NCKAP5: variants seen among roughly 807,000 people sequenced by gnomAD.
The protein encoded by NCKAP5 is NCK associated protein 5.
NCKAP5 carries 92 observed loss-of-function variants against 167.0 expected under a neutral mutation model. The observed-to-expected ratio is 0.55, with a 90% CI of 0.47 to 0.66. The LOEUF (loss-of-function observed/expected upper bound fraction) is 0.66. NCKAP5 is among the 30% of genes least tolerant of loss of function. The probability of loss-of-function intolerance (pLI) is 0.00; values close to 1 mark genes in which losing one functional copy is unlikely to be tolerated. For synonymous variants in NCKAP5, 891 were observed against 877.4 expected (o/e 1.02, Z -0.27); for missense variants, 2,378 against 2,315.0 (o/e 1.03, Z -0.56).
intron 3 of NCKAP5, among the ~76,000 whole-genome samples, chr2:133,431,298 A>G (rs1690143916): frequency 6.6e-6 from 1 of 152,160 alleles, no homozygotes; most frequent in Admixed American, 6.6e-5. Context: ...TGTTTTATAT[A>G]TTTAAACTGG....
At chr2:133,061,740 G>A (rs1175465883) in intron 6 of NCKAP5, among the ~76,000 whole-genome samples, 2 of 152,136 alleles carry the variant, frequency 1.3e-5, no homozygotes, top group African/African-American at 4.8e-5. Context: ...TACAATTTCA[G>A]AAGAGAGAGA....
At chr2:132,837,875 C>T (rs186093735) in intron 11 of NCKAP5, among the ~76,000 whole-genome samples, 55 of 152,284 alleles carry the variant, frequency 3.6e-4, no homozygotes, top group Non-Finnish European at 7.5e-4. Flanking sequence ...CCTGCTGAGA[C>T]GAGTGATCCA....
intron 5 of NCKAP5, among the ~76,000 whole-genome samples, chr2:133,183,435 G>A (rs1467691914): frequency 1.3e-5 from 2 of 151,836 alleles, no homozygotes; most frequent in Non-Finnish European, 2.9e-5. Context: ...AGGGACATGA[G>A]AATGGAAAAA....
At chr2:132,971,430 TC>T (rs1559005023) in intron 7 of NCKAP5, among the ~76,000 whole-genome samples, 2 of 152,158 alleles carry the variant, frequency 1.3e-5, no homozygotes, top group Non-Finnish European at 2.9e-5. Flanking sequence ...AGGAGTTTTG[TC>T]TTTACCCTCA....
chr2:133,306,769 G>A (rs529552877), intron 3 of NCKAP5, among the ~76,000 whole-genome samples: 14 of 152,168 alleles, frequency 9.2e-5, no homozygotes, highest in Non-Finnish European at 1.8e-4. Flanking sequence ...AGGTTTTGGT[G>A]TATTGGCACT....
At chr2:133,167,946 T>C (rs2084068205) in intron 5 of NCKAP5, among the ~76,000 whole-genome samples, 1 of 152,192 alleles carries the variant, frequency 6.6e-6, no homozygotes, top group South Asian at 2.1e-4. Context: ...TGCTATAACA[T>C]TATCATCATA....
At chr2:132,739,114 G>A (rs562275858) in intron 16 of NCKAP5, among the ~76,000 whole-genome samples, 1 of 152,294 alleles carries the variant, frequency 6.6e-6, no homozygotes, top group African/African-American at 2.4e-5. Flanking sequence ...CACTATTTCA[G>A]TTAATATAAA....
intron 2 of NCKAP5, chr2:133,556,768 C>A (rs1364216325): frequency 2.6e-5 from 4 of 152,148 alleles, no homozygotes; most frequent in African/African-American, 7.2e-5. Context: ...TGAGGAGTGA[C>A]CTTTGCCTTG....
At chr2:133,181,334 T>TA (rs2084723722) in intron 5 of NCKAP5, among the ~76,000 whole-genome samples, 1 of 151,534 alleles carries the variant, frequency 6.6e-6, no homozygotes, top group South Asian at 2.1e-4. Context: ...ACCGATACAC[T>TA]AAAAAATACT....
At chr2:132,903,799 G>C (rs551432940) in intron 8 of NCKAP5, among the ~76,000 whole-genome samples, 33 of 152,216 alleles carry the variant, frequency 2.2e-4, no homozygotes, top group African/African-American at 5.5e-4. Context: ...AGTTTATTAG[G>C]AGAAACTTGA....
At chr2:132,734,355 G>A (rs1326198626) in intron 16 of NCKAP5, among the ~76,000 whole-genome samples, 2 of 152,134 alleles carry the variant, frequency 1.3e-5, no homozygotes, top group Non-Finnish European at 2.9e-5. Context: ...TGTAACTGGG[G>A]CAATTCTGGA....
chr2:133,521,024 A>T (rs1684429720), intron 2 of NCKAP5, among the ~76,000 whole-genome samples: 1 of 152,234 alleles, frequency 6.6e-6, no homozygotes, highest in Non-Finnish European at 1.5e-5. Flanking sequence ...ATCCAAGTGG[A>T]TCAAAGGAAG....
the NCKAP5 span, among the ~76,000 whole-genome samples, chr2:133,616,578 C>T: frequency 2.6e-5 from 4 of 152,196 alleles, no homozygotes; most frequent in East Asian, 1.9e-4. Flanking sequence ...CCTCGACACA[C>T]ACACTCTCCC....
At chr2:133,254,517 T>A (rs1197696141) in intron 4 of NCKAP5, among the ~76,000 whole-genome samples, 1 of 152,162 alleles carries the variant, frequency 6.6e-6, no homozygotes, top group African/African-American at 2.4e-5. Flanking sequence ...TGAGAGATAG[T>A]ACAGTTGATA....
chr2:133,299,875 T>C (rs1047728434), intron 4 of NCKAP5, among the ~76,000 whole-genome samples: 1 of 151,158 alleles, frequency 6.6e-6, no homozygotes, highest in Admixed American at 6.6e-5. Context: ...ATTTATTTCA[T>C]AGACCGCTAG....
At chr2:133,292,287 C>T (rs1192382091) in intron 4 of NCKAP5, among the ~76,000 whole-genome samples, 1 of 151,074 alleles carries the variant, frequency 6.6e-6, no homozygotes, top group East Asian at 1.9e-4. Context: ...TTACCCATTT[C>T]ATTTCTCCTT....
At chr2:133,228,545 T>C (rs2086999068) in intron 4 of NCKAP5, among the ~76,000 whole-genome samples, 1 of 152,194 alleles carries the variant, frequency 6.6e-6, no homozygotes, top group African/African-American at 2.4e-5. Context: ...CTTAAGTCTA[T>C]ATATTTCTGT....
chr2:132,685,561 T>G (rs989437606), intron 19 of NCKAP5, among the ~76,000 whole-genome samples: 1 of 152,128 alleles, frequency 6.6e-6, no homozygotes, highest in Non-Finnish European at 1.5e-5. Context: ...AAGGAAGCAC[T>G]GGGTAATGCC....
intron 6 of NCKAP5, among the ~76,000 whole-genome samples, chr2:133,019,014 T>C (rs2078438000): frequency 6.6e-6 from 1 of 152,164 alleles, no homozygotes; most frequent in South Asian, 2.1e-4. Flanking sequence ...ATGGAAACCA[T>C]ATTAATGAAG....
Sources: gnomAD v4.1 joint callset for allele counts (sites outside exome capture counted in the v4.1 genomes callset) on GRCh38, gnomAD v4.1.1 for gene constraint, MANE v1.5 for transcripts, NCBI Gene and HGNC (gene_info 2026-07-23, HGNC 2026-07-21) for gene names.